GPR39: variants seen among roughly 807,000 people sequenced by gnomAD.
The protein encoded by GPR39 is G protein-coupled receptor 39.
GPR39 carries 23 observed loss-of-function variants against 18.4 expected under a neutral mutation model. That is an observed-to-expected ratio of 1.25 (90% CI 0.90 to 1.77). The LOEUF is 1.77. GPR39 is among the 40% of genes most tolerant of loss of function. The probability of loss-of-function intolerance (pLI) is 0.00; values close to 1 mark genes in which losing one functional copy is unlikely to be tolerated. For missense variants in GPR39, 647 were observed against 602.4 expected, an observed-to-expected ratio of 1.07 and a Z score of -0.78; for synonymous variants, 280 against 257.9, an observed-to-expected ratio of 1.09 and a Z score of -0.82.
intron 1 of GPR39, among the ~76,000 whole-genome samples, chr2:132,611,129 C>G (rs1031139785): frequency 3.9e-5 from 6 of 152,324 alleles, no homozygotes; most frequent in Admixed American, 1.3e-4. Flanking sequence ...TCCCCGTGTT[C>G]TGAGTTCGGA....
In GPR39 at chr2:132,515,400, G is replaced by A. The variant is rs976309090; in HGVS notation, c.856+97502G>A. On this transcript the variant is annotated intron_variant, in intron 1 of 1. Transcript: ENST00000329321. ...CCCTGCAGCTAAAACAGGGCCTGGA[G>A]AATGGTATACATTCAATAAATAAAT... is the stretch of plus-strand genomic sequence containing the variant. Among the ~76,000 whole-genome samples, 4 of 152,212 alleles carry A rather than the reference G, an allele frequency of 2.6e-5. No homozygotes were observed. The East Asian group carries it at 7.7e-4, about 29-fold the overall frequency.
At chr2:132,636,162 G>C (rs1022287844) in intron 1 of GPR39, among the ~76,000 whole-genome samples, 1 of 152,190 alleles carries the variant, frequency 6.6e-6, no homozygotes, top group Non-Finnish European at 1.5e-5. Flanking sequence ...AGTGGTAGCT[G>C]GTGTCTGGTT....
At position 132,417,666 on chromosome 2, in the gene GPR39, C is replaced by T. The variant is rs115402751; in HGVS notation, c.624C>T (p.Ser208=). 4.6e-3 allele frequency: 7,484 copies of T among 1,614,198 alleles called. 35 individuals carry two copies. Among genetic ancestry groups the T allele is most frequent in the Non-Finnish European group, 5.8e-3 (6,902 of 1,180,038 alleles). The change falls in exon 1 of 2, where the codon TCC becomes TCT. Residue 208 remains serine (S), a synonymous_variant. Transcript: ENST00000329321. ...AGCAGCCCGAGACCTCCAATATGTC[C>T]ATCTGTACCAACCTCTCCAGCCGCT... ...HHEQPETSNM[S]ICTNLSSRWT...
chr2:132,645,613 A>G lies in GPR39; in HGVS notation c.*7A>G. ...TCAGGAGCATGAAGTTTGAATGTCA[A>G]GCGAGGGAGCCTTGAGTGGGAACTG... On this transcript the variant is annotated 3_prime_UTR_variant, in exon 2 of 2. Transcript: ENST00000329321. The G allele has an allele frequency of 1.9e-6, 3 of 1,605,844 alleles. No homozygotes were observed. The South Asian group carries it at 3.3e-5, about 18-fold the overall frequency.
chr2:132,576,320 C>T (rs187428697), intron 1 of GPR39, among the ~76,000 whole-genome samples: 22 of 152,132 alleles, frequency 1.4e-4, no homozygotes, highest in Admixed American at 7.9e-4. Context: ...TGACAAAGTG[C>T]GGTTTATCAG....
intron 1 of GPR39, among the ~76,000 whole-genome samples, chr2:132,531,381 T>G (rs1310824543): frequency 6.6e-6 from 1 of 151,744 alleles, no homozygotes; most frequent in African/African-American, 2.4e-5. Context: ...GCAAAGAGAC[T>G]TAGACTCCCA....
At chr2:132,436,093 C>T (rs1021174952) in intron 1 of GPR39, among the ~76,000 whole-genome samples, 1 of 152,122 alleles carries the variant, frequency 6.6e-6, no homozygotes, top group Non-Finnish European at 1.5e-5. Flanking sequence ...CCCCCCGAGT[C>T]CCTAAGCTTT....
intron 1 of GPR39, among the ~76,000 whole-genome samples, chr2:132,578,426 G>A (rs1260363924): frequency 6.6e-6 from 1 of 152,072 alleles, no homozygotes; most frequent in Non-Finnish European, 1.5e-5. Flanking sequence ...TTCTGGAATA[G>A]ATTGTATAGA....
chr2:132,625,351 CTTG>C (rs1681523701), intron 1 of GPR39, among the ~76,000 whole-genome samples: 1 of 151,860 alleles, frequency 6.6e-6, no homozygotes, highest in African/African-American at 2.4e-5. Context: ...ATCTTTTTTT[CTTG>C]TTGTTTTGTA....
intron 1 of GPR39, among the ~76,000 whole-genome samples, chr2:132,424,205 A>C (rs1019536010): frequency 6.6e-6 from 1 of 152,208 alleles, no homozygotes; most frequent in African/African-American, 2.4e-5. Context: ...GTCCTTGTTA[A>C]AATCTATTGA....
chr2:132,492,987 C>A (rs971832046), intron 1 of GPR39, among the ~76,000 whole-genome samples: 1 of 132,248 alleles, frequency 7.6e-6, no homozygotes, highest in Non-Finnish European at 1.6e-5. Context: ...ACCATATATA[C>A]ACCATAGATA....
Position 132,557,816 on chromosome 2 carries a change from T to C in GPR39, c.857-87285T>C, listed in dbSNP as rs150978930. On this transcript the variant is annotated intron_variant, in intron 1 of 1. Transcript: ENST00000329321. ...GTGAAAACATGAATTTACAAGAGGA[T>C]GTAACTTAGGTTTATCCGCGTTTCT... is the stretch of plus-strand genomic sequence containing the variant. Among the ~76,000 whole-genome samples, 387 of 152,284 alleles carry C rather than the reference T, an allele frequency of 2.5e-3. 2 individuals are homozygous for C. The highest frequency in any genetic ancestry group is 8.6e-3 in the African/African-American group (356 of 41,560).
chr2:132,471,090 C>T (rs1024731058), intron 1 of GPR39, among the ~76,000 whole-genome samples: 1 of 152,086 alleles, frequency 6.6e-6, no homozygotes, highest in Non-Finnish European at 1.5e-5. Context: ...GCACTGCAAT[C>T]CCAGGGCAGT....
chr2:132,583,765 G>A (rs542927388), intron 1 of GPR39, among the ~76,000 whole-genome samples: 1 of 150,800 alleles, frequency 6.6e-6, no homozygotes, highest in Non-Finnish European at 1.5e-5. Flanking sequence ...ACTGGGAGGC[G>A]CTCACAGGTC....
chr2:132,464,646 G>A (rs1181905735), intron 1 of GPR39, among the ~76,000 whole-genome samples: 2 of 152,174 alleles, frequency 1.3e-5, no homozygotes, highest in African/African-American at 4.8e-5. Flanking sequence ...TGAGCTCTCA[G>A]GGGAAGGAGA....
intron 1 of GPR39, among the ~76,000 whole-genome samples, chr2:132,526,904 TTAAAATTAATTCTACC>T (rs1679525323): frequency 6.6e-6 from 1 of 152,266 alleles, no homozygotes; most frequent in Admixed American, 6.5e-5. Context: ...GACCCTTTTT[TTAAAATTAATTCTACC>T]TACTTTGTTT....
intron 1 of GPR39, among the ~76,000 whole-genome samples, chr2:132,543,666 A>G (rs1337116406): frequency 6.6e-6 from 1 of 152,194 alleles, no homozygotes; most frequent in Non-Finnish European, 1.5e-5. Flanking sequence ...CCACATTAGT[A>G]TTATCATAAA....
At chr2:132,530,743 C>T (rs1414285164) in intron 1 of GPR39, among the ~76,000 whole-genome samples, 1 of 152,142 alleles carries the variant, frequency 6.6e-6, no homozygotes, top group East Asian at 1.9e-4. Context: ...ATTTCATATC[C>T]AGCCAAACTA....
At chr2:132,600,053 T>C (rs1018538144) in intron 1 of GPR39, among the ~76,000 whole-genome samples, 1 of 152,234 alleles carries the variant, frequency 6.6e-6, no homozygotes, top group Non-Finnish European at 1.5e-5. Flanking sequence ...GTCTATACTT[T>C]GGAGGTTACC....
Sources: allele counts gnomAD v4.1 joint callset (sites outside exome capture counted in the v4.1 genomes callset), GRCh38; gene constraint gnomAD v4.1.1; transcripts MANE v1.5; gene names NCBI Gene and HGNC (gene_info 2026-07-23, HGNC 2026-07-21).